Variants in CHCT1 observed in about 807,000 individuals in gnomAD.
CHCT1 encodes CHD1 helical C-terminal domain containing 1, also known as CHD1 helical C-terminal domain containing protein 1.
chr17:60,424,461 A>G, the CHCT1 span, among the ~76,000 whole-genome samples: 2 of 152,212 alleles, frequency 1.3e-5, no homozygotes, highest in African/African-American at 2.4e-5. Context: ...TAGAAACTTT[A>G]TAAAATTAAT....
the CHCT1 span, chr17:60,429,238 T>C: frequency 4.7e-6 from 5 of 1,053,310 alleles, no homozygotes; most frequent in African/African-American, 6.5e-5. Flanking sequence ...ACCCCATCCT[T>C]TTGGTTAGGC....
the CHCT1 span, chr17:60,429,305 T>TA: frequency 6.4e-7 from 1 of 1,552,362 alleles, no homozygotes; most frequent in Non-Finnish European, 8.8e-7. Context: ...GCTGGGACTC[T>TA]AAAGTTCAGG....
chr17:60,425,083 C>T, the CHCT1 span, among the ~76,000 whole-genome samples: 1 of 152,180 alleles, frequency 6.6e-6, no homozygotes, highest in East Asian at 1.9e-4. Flanking sequence ...TTTCATCCCC[C>T]GACTCTGACC....
At chr17:60,421,867 C>A in the CHCT1 span, 8 of 985,340 alleles carry the variant, frequency 8.1e-6, no homozygotes, top group Non-Finnish European at 9.6e-6. Flanking sequence ...AGGCCGGCGA[C>A]GGGACTTGCC....
At chr17:60,425,954 G>A in the CHCT1 span, 7 of 1,397,402 alleles carry the variant, frequency 5.0e-6, no homozygotes, top group South Asian at 5.0e-5. Flanking sequence ...GTCAGGAAAT[G>A]GCAGGCCTCA....
At chr17:60,429,464 AG>A in the CHCT1 span, 1 of 1,614,252 alleles carries the variant, frequency 6.2e-7, no homozygotes, top group East Asian at 2.2e-5. Context: ...CAGCAACATC[AG>A]CGGCATGAAG....
At chr17:60,424,921 C>A in the CHCT1 span, among the ~76,000 whole-genome samples, 1 of 152,176 alleles carries the variant, frequency 6.6e-6, no homozygotes, top group East Asian at 1.9e-4. Flanking sequence ...AACTGCTCTG[C>A]AGATAACAGC....
chr17:60,425,215 C>G, the CHCT1 span, among the ~76,000 whole-genome samples: 1 of 152,148 alleles, frequency 6.6e-6, no homozygotes, highest in Non-Finnish European at 1.5e-5. Flanking sequence ...GAGCACCCAG[C>G]AATCAATAAA....
At chr17:60,422,657 TGAGG>T in the CHCT1 span, 6 of 1,538,168 alleles carry the variant, frequency 3.9e-6, no homozygotes, top group Admixed American at 4.0e-5. Context: ...AAGTGGGGTG[TGAGG>T]GAGGGAGGGA....
At chr17:60,429,513 G>A in the CHCT1 span, 1 of 1,614,236 alleles carries the variant, frequency 6.2e-7, no homozygotes, top group African/African-American at 1.3e-5. Flanking sequence ...GGTCAAGGGA[G>A]CCCCCTGCCT....
the CHCT1 span, chr17:60,425,757 G>A: frequency 1.3e-6 from 2 of 1,518,780 alleles, no homozygotes; most frequent in Admixed American, 2.0e-5. Flanking sequence ...CAATCCCCCG[G>A]CTTAGTGCCC....
the CHCT1 span, among the ~76,000 whole-genome samples, chr17:60,427,272 G>A: frequency 6.6e-6 from 1 of 152,092 alleles, no homozygotes; most frequent in Non-Finnish European, 1.5e-5. Flanking sequence ...GTGGTTATTT[G>A]GAATTTACCA....
the CHCT1 span, among the ~76,000 whole-genome samples, chr17:60,423,264 C>T: frequency 6.6e-6 from 1 of 151,360 alleles, no homozygotes; most frequent in Non-Finnish European, 1.5e-5. Flanking sequence ...TGATCTTGGC[C>T]CACTGCAACC....
the CHCT1 span, chr17:60,425,898 C>T: frequency 6.5e-7 from 1 of 1,538,124 alleles, no homozygotes; most frequent in Non-Finnish European, 8.8e-7. Flanking sequence ...AGTAAAGAGC[C>T]AGCCTGGAAC....
chr17:60,431,194 G>T, the CHCT1 span: 2 of 1,600,824 alleles, frequency 1.2e-6, no homozygotes, highest in East Asian at 2.2e-5. Context: ...CTTTAAGGGA[G>T]CTTTCTCAAA....
chr17:60,425,675 A>C, the CHCT1 span: 1 of 744,130 alleles, frequency 1.3e-6, no homozygotes, highest in Admixed American at 2.3e-5. Flanking sequence ...AGAAGGTCTG[A>C]GGGCAATGGA....
the CHCT1 span, chr17:60,426,444 G>T: frequency 7.9e-7 from 1 of 1,270,144 alleles, no homozygotes; most frequent in South Asian, 1.6e-5. Context: ...TTATGTGGAG[G>T]AGTCAAGAGC....
the CHCT1 span, chr17:60,422,562 C>T: frequency 6.5e-7 from 1 of 1,549,558 alleles, no homozygotes; most frequent in African/African-American, 1.4e-5. Context: ...TGGGGAGTGC[C>T]ACCCTGGAGC....
the CHCT1 span, chr17:60,422,176 G>GCC: frequency 3.6e-6 from 1 of 279,140 alleles, no homozygotes. Context: ...CTCTCGGGGA[G>GCC]CCCCCACCAC....
Sources: allele counts gnomAD v4.1 joint callset (sites outside exome capture counted in the v4.1 genomes callset), GRCh38; gene constraint gnomAD v4.1.1; transcripts MANE v1.5; gene names NCBI Gene and HGNC (gene_info 2026-07-23, HGNC 2026-07-21).